The following LDLRAD4 variants were observed in gnomAD, a reference collection of about 807,000 sequenced individuals.
LDLRAD4 encodes low-density lipoprotein receptor class A domain-containing protein 4.
Under a neutral mutation model 17.0 loss-of-function variants are expected in LDLRAD4, and 5 were observed. That is an observed-to-expected ratio of 0.29 (90% CI 0.15 to 0.62). The LOEUF (loss-of-function observed/expected upper bound fraction) is 0.62. Among genes scored for constraint, LDLRAD4 ranks in the 20% least tolerant of loss-of-function variants. The probability of loss-of-function intolerance (pLI) is 0.84; values close to 1 mark genes in which losing one functional copy is unlikely to be tolerated. For synonymous variants in LDLRAD4, 168 were observed against 171.8 expected, an observed-to-expected ratio of 0.98 and a Z score of 0.17; for missense variants, 340 against 424.7, an observed-to-expected ratio of 0.80 and a Z score of 1.75.
At chr18:13,560,863 C>G (rs889574537) in intron 3 of LDLRAD4, among the ~76,000 whole-genome samples, 1 of 152,216 alleles carries the variant, frequency 6.6e-6, no homozygotes, top group South Asian at 2.1e-4. Context: ...TGAAATGACT[C>G]TTGGAAGGGC....
chr18:13,621,652 C>T lies in LDLRAD4; in HGVS notation c.336+381C>T, dbSNP rs1446067933. Among the ~76,000 whole-genome samples, 5 of 152,196 alleles carry T rather than the reference C, an allele frequency of 3.3e-5. No homozygotes were observed. The highest frequency in any genetic ancestry group is 5.9e-5 in the Non-Finnish European group (4 of 68,034). On this transcript the variant is annotated intron_variant, in intron 4 of 5. Coordinates refer to ENST00000359446, the Ensembl canonical transcript of LDLRAD4. The surrounding 1 kb of genome is among the most constrained non-coding windows in gnomAD (Gnocchi z 5.5). ...ATTCATTGTGTTGTAAAATCCTGTC[C>T]TGAGCTGGGTCCTGGAGGTGCTGCG...
chr18:13,476,437 C>T (rs1033878883), intron 3 of LDLRAD4, among the ~76,000 whole-genome samples: 2 of 151,964 alleles, frequency 1.3e-5, no homozygotes, highest in African/African-American at 4.8e-5. Flanking sequence ...CCAGCCTGGG[C>T]AATGTAGCAA....
intron 3 of LDLRAD4, among the ~76,000 whole-genome samples, chr18:13,451,370 G>T (rs921655703): frequency 6.6e-6 from 1 of 152,068 alleles, no homozygotes; most frequent in Non-Finnish European, 1.5e-5. Context: ...AGGTCTGGTT[G>T]TTCAGGTGTA....
intron 1 of LDLRAD4, among the ~76,000 whole-genome samples, chr18:13,310,224 C>T (rs1160000698): frequency 6.6e-6 from 1 of 150,994 alleles, no homozygotes; most frequent in Non-Finnish European, 1.5e-5. Flanking sequence ...GTGGTGTACA[C>T]CTGTTGTCCT....
At chr18:13,297,631 C>CA (rs1002850783) in intron 1 of LDLRAD4, among the ~76,000 whole-genome samples, 1 of 152,120 alleles carries the variant, frequency 6.6e-6, no homozygotes, top group Non-Finnish European at 1.5e-5. Flanking sequence ...CCTGTCTCTA[C>CA]AAAAAAGTTT....
At chr18:13,319,301 C>G (rs2081096722) in intron 1 of LDLRAD4, among the ~76,000 whole-genome samples, 1 of 152,142 alleles carries the variant, frequency 6.6e-6, no homozygotes, top group Admixed American at 6.5e-5. Flanking sequence ...GGGCGAGTAA[C>G]AGAGGTGCGC....
chr18:13,611,838 AC>A (rs1253555814), intron 3 of LDLRAD4: 6 of 985,346 alleles, frequency 6.1e-6, no homozygotes, highest in Non-Finnish European at 7.2e-6. Flanking sequence ...TTAGGACCTC[AC>A]GCCTTGCCAG....
intron 2 of LDLRAD4, among the ~76,000 whole-genome samples, chr18:13,409,439 C>T (rs1212299197): frequency 2.0e-5 from 3 of 152,222 alleles, no homozygotes. Flanking sequence ...ATTAAATAAC[C>T]TTGTCTCTTA....
At chr18:13,296,371 G>A (rs973099465) in intron 1 of LDLRAD4, among the ~76,000 whole-genome samples, 1 of 152,218 alleles carries the variant, frequency 6.6e-6, no homozygotes, top group Non-Finnish European at 1.5e-5. Context: ...TGTATTTTCT[G>A]TCAGGTCTGG....
intron 2 of LDLRAD4, among the ~76,000 whole-genome samples, chr18:13,394,655 C>T (rs879392838): frequency 1.3e-5 from 2 of 152,172 alleles, no homozygotes; most frequent in Admixed American, 6.5e-5. Context: ...CTGCTCATTG[C>T]TGGGTGTTAG....
At chr18:13,315,345 A>T (rs1336067138) in intron 1 of LDLRAD4, among the ~76,000 whole-genome samples, 1 of 152,238 alleles carries the variant, frequency 6.6e-6, no homozygotes, top group Non-Finnish European at 1.5e-5. Context: ...ATTAAGGTCC[A>T]AATGATTAAA....
chr18:13,318,212 G>A (rs2081032824), intron 1 of LDLRAD4, among the ~76,000 whole-genome samples: 1 of 152,132 alleles, frequency 6.6e-6, no homozygotes, highest in South Asian at 2.1e-4. Flanking sequence ...TCCTTCCCCT[G>A]CTGCCTGTGG....
intron 3 of LDLRAD4, chr18:13,614,311 T>C (rs908311950): frequency 1.0e-4 from 15 of 149,074 alleles, no homozygotes; most frequent in African/African-American, 3.7e-4. Flanking sequence ...TGCAACAGGG[T>C]TCAGAGCTGC....
intron 1 of LDLRAD4, chr18:13,279,288 A>G (rs2146239606): frequency 6.6e-6 from 1 of 152,312 alleles, no homozygotes; most frequent in East Asian, 1.9e-4. Flanking sequence ...GGTGTTTGAA[A>G]ATCCCTGCTC....
intron 3 of LDLRAD4, among the ~76,000 whole-genome samples, chr18:13,531,904 G>C (rs894688081): frequency 2.6e-5 from 4 of 152,130 alleles, no homozygotes; most frequent in African/African-American, 9.7e-5. Context: ...TGGCCCTGCT[G>C]GGGGGCGGCC....
At chr18:13,275,021 C>G (rs2044775023), upstream of LDLRAD4, among the ~76,000 whole-genome samples, 1 of 147,614 alleles carries the variant, frequency 6.8e-6, no homozygotes, top group Non-Finnish European at 1.5e-5. Context: ...GTCTGGATAC[C>G]ATAGCAAGAC....
chr18:13,549,750 C>T (rs2094411273), intron 3 of LDLRAD4, among the ~76,000 whole-genome samples: 1 of 151,932 alleles, frequency 6.6e-6, no homozygotes, highest in Non-Finnish European at 1.5e-5. Context: ...GCTGGGGCAG[C>T]CTTATTTTAG....
chr18:13,584,439 G>A (rs1452988706), intron 3 of LDLRAD4, among the ~76,000 whole-genome samples: 1 of 152,146 alleles, frequency 6.6e-6, no homozygotes, highest in Non-Finnish European at 1.5e-5. Context: ...CAGCTGGTTT[G>A]TAGCTATCTG....
intron 3 of LDLRAD4, among the ~76,000 whole-genome samples, chr18:13,502,892 G>A (rs913265828): frequency 1.3e-5 from 2 of 152,400 alleles, no homozygotes; most frequent in East Asian, 3.9e-4. Context: ...GATCCCAGTT[G>A]TTGGAGGTCA....
Sources: gnomAD v4.1 joint callset for allele counts (sites outside exome capture counted in the v4.1 genomes callset) on GRCh38, gnomAD v4.1.1 for gene constraint, Gnocchi (gnomAD v3.1) non-coding constraint, MANE v1.5 for transcripts, NCBI Gene and HGNC (gene_info 2026-07-23, HGNC 2026-07-21) for gene names.